Variants in ARHGAP12 observed in about 807,000 individuals in gnomAD.
The protein encoded by ARHGAP12 is Rho GTPase activating protein 12, also known as rho GTPase-activating protein 12.
A neutral mutation model predicts 108.6 loss-of-function variants in ARHGAP12; 64 were observed. The ratio of observed to expected loss-of-function variants is 0.59; its 90% confidence interval spans 0.48 to 0.73. The LOEUF is 0.73. Among genes scored for constraint, ARHGAP12 ranks in the 30% least tolerant of loss-of-function variants. ARHGAP12 has a pLI of 0.00. For synonymous variants in ARHGAP12, 312 were observed against 337.2 expected (o/e 0.93, Z 0.82); for missense variants, 940 against 1,005.9 (o/e 0.93, Z 0.89).
chr10:31,911,401 A>G (rs7099118), intron 1 of ARHGAP12, among the ~76,000 whole-genome samples: 7,063 of 152,164 alleles, frequency 0.046, 512 homozygotes, highest in African/African-American at 0.16. Flanking sequence ...TGCAACCTCC[A>G]CCTCCTGGGC....
At chr10:31,890,938 T>A (rs1838400706) in intron 3 of ARHGAP12, among the ~76,000 whole-genome samples, 1 of 152,182 alleles carries the variant, frequency 6.6e-6, no homozygotes, top group Admixed American at 6.5e-5. Flanking sequence ...ACATACAGCA[T>A]GATTCCTACT....
intron 6 of ARHGAP12, among the ~76,000 whole-genome samples, chr10:31,843,912 A>G (rs958114262): frequency 3.3e-5 from 5 of 152,238 alleles, no homozygotes; most frequent in African/African-American, 4.8e-5. Context: ...AGATCAAAGT[A>G]TTAAAGAAGA....
chr10:31,873,371 T>C (rs1304866054), intron 3 of ARHGAP12, among the ~76,000 whole-genome samples: 1 of 152,216 alleles, frequency 6.6e-6, no homozygotes, highest in Non-Finnish European at 1.5e-5. Context: ...TCCAAATTAT[T>C]CCAAACATTC....
chr10:31,921,797 A>G (rs1186397566), intron 1 of ARHGAP12, among the ~76,000 whole-genome samples: 2 of 144,978 alleles, frequency 1.4e-5, no homozygotes, highest in Admixed American at 6.8e-5. Context: ...AAAAGTTTGT[A>G]GAAGAAAAGA....
At chr10:31,852,110 C>T (rs571897578) in intron 6 of ARHGAP12, among the ~76,000 whole-genome samples, 7 of 152,186 alleles carry the variant, frequency 4.6e-5, no homozygotes, top group South Asian at 2.1e-4. Flanking sequence ...TCATACACAC[C>T]ATTTACATAA....
chr10:31,898,157 T>C (rs987661411), intron 3 of ARHGAP12, among the ~76,000 whole-genome samples: 2 of 152,020 alleles, frequency 1.3e-5, no homozygotes, highest in African/African-American at 4.8e-5. Context: ...GAGAAAATAT[T>C]TGCAAATCAT....
At chr10:31,907,342 A>G (rs928992368) in intron 3 of ARHGAP12, among the ~76,000 whole-genome samples, 3 of 152,110 alleles carry the variant, frequency 2.0e-5, no homozygotes, top group African/African-American at 7.2e-5. Flanking sequence ...AAAAGAAAAA[A>G]AAAAGCCAGG....
chr10:31,892,814 A>T (rs950813740), intron 3 of ARHGAP12, among the ~76,000 whole-genome samples: 7 of 151,360 alleles, frequency 4.6e-5, no homozygotes, highest in African/African-American at 1.7e-4. Flanking sequence ...TTCTCAGCAC[A>T]TCGTACTTAT....
At chr10:31,877,288 T>C (rs1023964851) in intron 3 of ARHGAP12, among the ~76,000 whole-genome samples, 2 of 152,250 alleles carry the variant, frequency 1.3e-5, no homozygotes, top group Admixed American at 6.5e-5. Context: ...TCAGTCTTCA[T>C]ACTCTGTTTT....
chr10:31,874,993 A>T (rs924031065), intron 3 of ARHGAP12, among the ~76,000 whole-genome samples: 3 of 150,914 alleles, frequency 2.0e-5, no homozygotes, highest in Non-Finnish European at 4.4e-5. Context: ...AAAAAAAAAA[A>T]AAAAAAAAAT....
intron 3 of ARHGAP12, among the ~76,000 whole-genome samples, chr10:31,900,028 A>G (rs961935784): frequency 7.2e-5 from 11 of 152,224 alleles, no homozygotes; most frequent in African/African-American, 1.2e-4. Flanking sequence ...CATCAATAAG[A>G]AAACAACCCA....
At chr10:31,915,532 GTGACTACAGTAAA>G (rs1310932204) in intron 1 of ARHGAP12, among the ~76,000 whole-genome samples, 1 of 147,220 alleles carries the variant, frequency 6.8e-6, no homozygotes, top group Non-Finnish European at 1.5e-5. Flanking sequence ...GTACAGCAAG[GTGACTACAGTAAA>G]TGACAATATA....
chr10:31,902,148 A>G (rs1183275208), intron 3 of ARHGAP12, among the ~76,000 whole-genome samples: 1 of 152,176 alleles, frequency 6.6e-6, no homozygotes, highest in Non-Finnish European at 1.5e-5. Context: ...TTGTATAGCT[A>G]TGGTAAATAA....
At chr10:31,898,752 A>G (rs1179530407) in intron 3 of ARHGAP12, among the ~76,000 whole-genome samples, 1 of 152,152 alleles carries the variant, frequency 6.6e-6, no homozygotes, top group African/African-American at 2.4e-5. Context: ...GTAGCCTAGG[A>G]GCAACGGGCT....
chr10:31,914,682 C>T (rs1393334416), intron 1 of ARHGAP12, among the ~76,000 whole-genome samples: 4 of 152,108 alleles, frequency 2.6e-5, no homozygotes, highest in Non-Finnish European at 5.9e-5. Flanking sequence ...CCTTTATATA[C>T]TGTTGGTGTT....
Position 31,820,443 on chromosome 10 carries a change from C to A in ARHGAP12, c.1576G>T (p.Gly526Trp), listed in dbSNP as rs766305615. ...SKPEFTVDLK[G>W]ATIEMASKDK... The stretch of plus-strand genomic sequence containing the variant: ...TTTGAAGCCATCTCAATTGTTGCCC[C>A]CTTGAGGTCCACTGTGAACTCTGGT... The change falls in exon 12 of 20, where the codon GGG (glycine) becomes TGG (tryptophan). Residue 526 changes from glycine to tryptophan, a missense_variant. Physicochemically the swap from Gly to Trp is radical, Grantham distance 184 (BLOSUM62 -2). Transcript: ENST00000344936. 3.7e-6 allele frequency: 6 copies of A among 1,611,914 alleles called. No individual in the cohort carries two copies. In the Admixed American group the frequency reaches 1.0e-4, roughly 27 times the overall value.
At chr10:31,893,581 C>A (rs1019192358) in intron 3 of ARHGAP12, among the ~76,000 whole-genome samples, 3 of 152,104 alleles carry the variant, frequency 2.0e-5, no homozygotes, top group East Asian at 1.9e-4. Flanking sequence ...CAATAACAGG[C>A]TCTGAAATAG....
At position 31,918,232 on chromosome 10, in the gene ARHGAP12, C is replaced by T. The variant is rs368139489; in HGVS notation, c.-110-7669G>A. Among the ~76,000 whole-genome samples, 29 of 151,416 alleles carry T rather than the reference C, an allele frequency of 1.9e-4. 1 individual carries two copies. In the East Asian group the frequency reaches 4.1e-3, roughly 22 times the overall value. ...ATGATCAGTTTATGAGAACATAATA[C>T]CATCATAAATTAAGGAGCATCTGTA... is the stretch of plus-strand genomic sequence containing the variant. On this transcript the variant is annotated intron_variant, in intron 1 of 19. Transcript: ENST00000344936.
intron 15 of ARHGAP12, among the ~76,000 whole-genome samples, chr10:31,811,543 T>C (rs1406463757): frequency 3.2e-5 from 1 of 31,224 alleles, no homozygotes; most frequent in Non-Finnish European, 6.8e-5. Context: ...TTTGCCAGGC[T>C]TTTTTTTTTT....
Sources: allele counts gnomAD v4.1 joint callset (sites outside exome capture counted in the v4.1 genomes callset), GRCh38; gene constraint gnomAD v4.1.1; transcripts MANE v1.5; gene names NCBI Gene and HGNC (gene_info 2026-07-23, HGNC 2026-07-21).